The following GPR39 variants were observed in gnomAD, a reference collection of about 807,000 sequenced individuals.
GPR39 encodes the protein G protein-coupled receptor 39.
GPR39 carries 23 observed loss-of-function variants against 18.4 expected under a neutral mutation model. The observed-to-expected ratio is 1.25, with a 90% CI of 0.90 to 1.77. The LOEUF (loss-of-function observed/expected upper bound fraction) is 1.77, where lower values mean the gene tolerates loss of function less well. Among genes scored for constraint, GPR39 ranks in the 40% most tolerant of loss-of-function variants. GPR39 has a pLI of 0.00. For synonymous variants in GPR39, 280 were observed against 257.9 expected (o/e 1.09, Z -0.82); for missense variants, 647 against 602.4 (o/e 1.07, Z -0.78).
intron 1 of GPR39, among the ~76,000 whole-genome samples, chr2:132,586,481 GT>G (rs1230207590): frequency 6.6e-6 from 1 of 152,158 alleles, no homozygotes; most frequent in Non-Finnish European, 1.5e-5. Flanking sequence ...TTGTCTGCGT[GT>G]TTGCTGGTGT....
intron 1 of GPR39, among the ~76,000 whole-genome samples, chr2:132,487,722 G>A (rs1010278073): frequency 2.0e-5 from 3 of 152,030 alleles, no homozygotes; most frequent in African/African-American, 7.2e-5. Flanking sequence ...TAAATCTAAG[G>A]AAAGTATACA....
intron 1 of GPR39, among the ~76,000 whole-genome samples, chr2:132,612,225 C>G (rs16838124): frequency 0.015 from 2,252 of 152,242 alleles, 66 homozygotes; most frequent in African/African-American, 0.052. Context: ...GAAATTTGCT[C>G]TCCATCTCAG....
chr2:132,421,008 C>T (rs899994114), intron 1 of GPR39, among the ~76,000 whole-genome samples: 1 of 152,218 alleles, frequency 6.6e-6, no homozygotes, highest in African/African-American at 2.4e-5. Flanking sequence ...GTTTCTGTTT[C>T]AAGGTTTCAG....
intron 1 of GPR39, among the ~76,000 whole-genome samples, chr2:132,419,913 C>T (rs185091954): frequency 9.9e-4 from 151 of 152,258 alleles, no homozygotes; most frequent in Non-Finnish European, 1.8e-3. Flanking sequence ...CTCTGTGTTT[C>T]CTGTATTTCT....
chr2:132,562,337 G>C lies in GPR39; in HGVS notation c.857-82764G>C, dbSNP rs567427192. Among the ~76,000 whole-genome samples the C allele has an allele frequency of 2.0e-5, 3 of 152,244 alleles. No individual in the cohort carries two copies. The East Asian group carries it at 5.8e-4, about 29-fold the overall frequency. Reference sequence around the variant, plus strand: ...CTTTCAATGACTTTCCATCATATTTGGGAAAATTCTTTGGCATGTTATACA... The same window carrying C: ...CTTTCAATGACTTTCCATCATATTTCGGAAAATTCTTTGGCATGTTATACA... On this transcript the variant is annotated intron_variant, in intron 1 of 1. Coordinates refer to ENST00000329321, the MANE Select transcript of GPR39 (RefSeq NM_001508.3).
chr2:132,506,724 T>C (rs1345787270), intron 1 of GPR39, among the ~76,000 whole-genome samples: 4 of 152,138 alleles, frequency 2.6e-5, no homozygotes, highest in African/African-American at 4.8e-5. Flanking sequence ...CCACTCCCAT[T>C]ATCTAATTAC....
In GPR39 at chr2:132,645,088, C is replaced by CGTGTCTGCCCAGGGCT; in HGVS notation, c.857-11_861dup. On this transcript the variant is annotated splice_polypyrimidine_tract_variant and intron_variant, in intron 1 of 1. Transcript: ENST00000329321. Reference sequence around the variant, plus strand: ...CTTTTCTCTGTCTCTCCCTCCTGCTCGTGTCTGCCCAGGGCTGATTGTTGT... The same window carrying CGTGTCTGCCCAGGGCT: ...CTTTTCTCTGTCTCTCCCTCCTGCTCGTGTCTGCCCAGGGCTGTGTCTGCCCAGGGCTGATTGTTGT... 1 of 1,600,098 alleles carries CGTGTCTGCCCAGGGCT rather than the reference C, an allele frequency of 6.2e-7. No homozygotes were observed. The highest frequency in any genetic ancestry group is 8.5e-7 in the Non-Finnish European group (1 of 1,171,806).
At chr2:132,488,253 C>T (rs892427463) in intron 1 of GPR39, among the ~76,000 whole-genome samples, 2 of 152,142 alleles carry the variant, frequency 1.3e-5, no homozygotes, top group African/African-American at 4.8e-5. Flanking sequence ...AACATCTCAA[C>T]TTGACCAGAT....
rs6735999 is a variant in GPR39, at chr2:132,451,965, C to G, written c.856+34067C>G. On this transcript the variant is annotated intron_variant, in intron 1 of 1. Coordinates refer to ENST00000329321, the MANE Select transcript of GPR39 (RefSeq NM_001508.3). ...TGAAAACTTCTTCCCCTAATAGTTT[C>G]TTCAAGACATAACAAAATGTCTTGA... Among the ~76,000 whole-genome samples the G allele has an allele frequency of 6.3e-3, 964 of 152,204 alleles. 6 individuals carry two copies. Among genetic ancestry groups the G allele is most frequent in the African/African-American group, 0.022 (904 of 41,532 alleles).
chr2:132,635,690 A>G (rs1353196399), intron 1 of GPR39, among the ~76,000 whole-genome samples: 1 of 152,164 alleles, frequency 6.6e-6, no homozygotes, highest in African/African-American at 2.4e-5. Flanking sequence ...GTGCCATCCT[A>G]TGCTGTGAAC....
intron 1 of GPR39, among the ~76,000 whole-genome samples, chr2:132,551,612 A>G (rs866442182): frequency 9.2e-5 from 14 of 152,228 alleles, no homozygotes; most frequent in African/African-American, 3.1e-4. Context: ...GTGGAAGATT[A>G]TTTCCCAACC....
intron 1 of GPR39, among the ~76,000 whole-genome samples, chr2:132,462,775 A>G (rs939894429): frequency 6.6e-6 from 1 of 152,182 alleles, no homozygotes; most frequent in Non-Finnish European, 1.5e-5. Flanking sequence ...TGGTTTCCTC[A>G]TTTGTGAAAT....
chr2:132,646,325 A>AAGAATAGCTGTCCCTC lies in GPR39; in HGVS notation c.*720_*735dup, dbSNP rs781635130. 3 of 1,325,476 alleles carry AAGAATAGCTGTCCCTC rather than the reference A, an allele frequency of 2.3e-6. No individual in the cohort carries two copies. Among genetic ancestry groups the AAGAATAGCTGTCCCTC allele is most frequent in the Non-Finnish European group, 2.0e-6 (2 of 1,002,090 alleles). 82.1% of individuals were successfully genotyped at this position (1,325,476 alleles called of 1,614,324 possible). On this transcript the variant is annotated 3_prime_UTR_variant, in exon 2 of 2. Coordinates refer to ENST00000329321, the MANE Select transcript of GPR39 (RefSeq NM_001508.3). Reference sequence around the variant, plus strand: ...GAGCTGAGTTAACGTGCACCGGCAAAAGAATAGCTGTCCCTCTCAGCCCAA... The same window carrying AAGAATAGCTGTCCCTC: ...GAGCTGAGTTAACGTGCACCGGCAAAAGAATAGCTGTCCCTCAGAATAGCTGTCCCTCTCAGCCCAA...
chr2:132,645,081 TC>T lies in GPR39; in HGVS notation c.857-18del. On this transcript the variant is annotated intron_variant, in intron 1 of 1. Coordinates refer to ENST00000329321, the MANE Select transcript of GPR39 (RefSeq NM_001508.3). ...TGTTTTTCTTTTCTCTGTCTCTCCC[TC>T]CTGCTCGTGTCTGCCCAGGGCTGAT... The T allele has an allele frequency of 6.3e-7, 1 of 1,597,408 alleles. No homozygotes were observed. Among genetic ancestry groups the T allele is most frequent in the Admixed American group, 1.7e-5 (1 of 58,534 alleles).
intron 1 of GPR39, among the ~76,000 whole-genome samples, chr2:132,516,124 G>A (rs1005499725): frequency 3.3e-5 from 5 of 152,132 alleles, no homozygotes; most frequent in African/African-American, 7.2e-5. Context: ...GAAGGCTGAT[G>A]TCTGTGCCCA....
chr2:132,582,592 CGGAGTAAGGTCAAGGTGCCTGTCTCAGT>C (rs1181746183), intron 1 of GPR39, among the ~76,000 whole-genome samples: 6 of 152,028 alleles, frequency 3.9e-5, no homozygotes, highest in East Asian at 3.9e-4. Context: ...GGATTCTTAG[CGGAGTAAGGTCAAGGTGCCTGTCTCAGT>C]GGAGTAAGGT....
chr2:132,561,927 A>G (rs1234346832), intron 1 of GPR39, among the ~76,000 whole-genome samples: 1 of 152,152 alleles, frequency 6.6e-6, no homozygotes, highest in Admixed American at 6.5e-5. Flanking sequence ...GCCCACCCAC[A>G]TTAGGGACAA....
chr2:132,644,013 C>T (rs1681929003), intron 1 of GPR39, among the ~76,000 whole-genome samples: 1 of 152,218 alleles, frequency 6.6e-6, no homozygotes, highest in Admixed American at 6.5e-5. Flanking sequence ...CAGCTCTCTA[C>T]AGGGGAATTT....
At chr2:132,422,010 G>T (rs931642026) in intron 1 of GPR39, among the ~76,000 whole-genome samples, 1 of 152,308 alleles carries the variant, frequency 6.6e-6, no homozygotes, top group South Asian at 2.1e-4. Context: ...AAATTTATTT[G>T]TATGTTACAA....
Sources: allele counts gnomAD v4.1 joint callset (sites outside exome capture counted in the v4.1 genomes callset), GRCh38; gene constraint gnomAD v4.1.1; transcripts MANE v1.5; gene names NCBI Gene and HGNC (gene_info 2026-07-23, HGNC 2026-07-21).